Variants in KAT6A observed in about 807,000 individuals in gnomAD.
KAT6A encodes the protein lysine acetyltransferase 6A, also known as histone acetyltransferase KAT6A.
Under a neutral mutation model 198.4 loss-of-function variants are expected in KAT6A, and 9 were observed. That is an observed-to-expected ratio of 0.05 (90% CI 0.03 to 0.08). The LOEUF (loss-of-function observed/expected upper bound fraction) is 0.08. KAT6A is among the 10% of genes least tolerant of loss of function. The probability of loss-of-function intolerance (pLI) is 1.00; values close to 1 mark genes in which losing one functional copy is unlikely to be tolerated. For missense variants in KAT6A, 2,077 were observed against 2,509.9 expected, an observed-to-expected ratio of 0.83 and a Z score of 3.69; for synonymous variants, 890 against 883.0, an observed-to-expected ratio of 1.01 and a Z score of -0.14.
intron 2 of KAT6A, among the ~76,000 whole-genome samples, chr8:42,028,537 T>C (rs1000765549): frequency 1.3e-5 from 2 of 152,216 alleles, no homozygotes; most frequent in African/African-American, 4.8e-5. Context: ...CTTTATCTAA[T>C]AGAAGTATAG....
intron 2 of KAT6A, among the ~76,000 whole-genome samples, chr8:42,041,332 T>G (rs1471350599): frequency 2.0e-5 from 3 of 152,230 alleles, no homozygotes; most frequent in African/African-American, 7.2e-5. Flanking sequence ...CCTAACCAGA[T>G]TTACAATTAA....
At position 41,931,750 on chromosome 8, in the gene KAT6A, T is replaced by C. The variant is rs959111896; in HGVS notation, c.*455A>G. On this transcript the variant is annotated 3_prime_UTR_variant, in exon 17 of 17. Coordinates refer to ENST00000265713, the MANE Select transcript of KAT6A (RefSeq NM_006766.5). Reference sequence around the variant, plus strand: ...CTGGAATGAAGTAGGAAATGAAAGGTTGGGTTTGGAGGAAAGGGTCTGGTT... The same window carrying C: ...CTGGAATGAAGTAGGAAATGAAAGGCTGGGTTTGGAGGAAAGGGTCTGGTT... The C allele has an allele frequency of 1.0e-5, 2 of 200,388 alleles. No homozygotes were observed. Among genetic ancestry groups the C allele is most frequent in the Admixed American group, 6.0e-5 (1 of 16,548 alleles). 12.4% of individuals were successfully genotyped at this position (200,388 alleles called of 1,614,324 possible).
intron 1 of KAT6A, chr8:42,049,593 ATT>A (rs1802498469): frequency 6.5e-6 from 1 of 153,136 alleles, no homozygotes; most frequent in South Asian, 2.1e-4. Context: ...GGTGATGGCT[ATT>A]CTGTACTCCG....
At chr8:42,019,134 G>T (rs190375169) in intron 2 of KAT6A, among the ~76,000 whole-genome samples, 341 of 152,170 alleles carry the variant, frequency 2.2e-3, no homozygotes, top group Non-Finnish European at 3.6e-3. Flanking sequence ...AAAAATAAGG[G>T]TTTGAATTTA....
chr8:42,049,518 G>A lies in KAT6A; in HGVS notation c.-325-216C>T, dbSNP rs1345221569. 5 of 160,798 alleles carry A rather than the reference G, an allele frequency of 3.1e-5. No individual in the cohort carries two copies. In the East Asian group the frequency reaches 7.1e-4, roughly 23 times the overall value. The allele number at this position is 160,798 out of a possible 1,614,324, so 10.0% of individuals were successfully genotyped here. A position where few individuals can be genotyped will look rare whatever the true frequency, so the allele number is the denominator to read the frequency against. On this transcript the variant is annotated intron_variant, in intron 1 of 16. Transcript: ENST00000265713. ...AGAAAAAAAAAAGATGAGTAATTAG[G>A]ATACAATGAGGAAACACGATGACAT...
At chr8:42,025,208 T>G (rs559949980) in intron 2 of KAT6A, among the ~76,000 whole-genome samples, 25 of 152,076 alleles carry the variant, frequency 1.6e-4, no homozygotes, top group East Asian at 1.4e-3. Context: ...CTGAGGTTTT[T>G]TTTTGTTTTG....
At chr8:42,003,362 G>T (rs1310163392) in intron 2 of KAT6A, among the ~76,000 whole-genome samples, 1 of 152,000 alleles carries the variant, frequency 6.6e-6, no homozygotes, top group Non-Finnish European at 1.5e-5. Flanking sequence ...GTCTTTGAAA[G>T]CAATCAGGCA....
rs117665105 is a variant in KAT6A at position 41,931,283 on chromosome 8, T to C, written c.*922A>G. The C allele has an allele frequency of 0.014, 3,084 of 219,332 alleles. 39 individuals are homozygous for C. The highest frequency in any genetic ancestry group is 0.021 in the Non-Finnish European group (2,251 of 109,028). The allele number at this position is 219,332 out of a possible 1,614,324, so 13.6% of individuals were successfully genotyped here. A position where few individuals can be genotyped will look rare whatever the true frequency, so the allele number is the denominator to read the frequency against. On this transcript the variant is annotated 3_prime_UTR_variant, in exon 17 of 17. Transcript: ENST00000265713. ...GAGGCTGGGTGGCGTGTGTGTGCGTTATGGCTGATTCACCAGGTGGTAAAA... is the reference window on the plus strand; with the variant it reads ...GAGGCTGGGTGGCGTGTGTGTGCGTCATGGCTGATTCACCAGGTGGTAAAA...
chr8:42,014,200 C>A (rs1359710923), intron 2 of KAT6A, among the ~76,000 whole-genome samples: 1 of 151,918 alleles, frequency 6.6e-6, no homozygotes, highest in Non-Finnish European at 1.5e-5. Context: ...AGGGGCAGAG[C>A]CAAAAGGATT....
At chr8:42,005,798 A>T (rs991306314) in intron 2 of KAT6A, among the ~76,000 whole-genome samples, 5 of 146,430 alleles carry the variant, frequency 3.4e-5, no homozygotes, top group Non-Finnish European at 7.5e-5. Context: ...ACACACACAC[A>T]CTCACTCTCT....
intron 2 of KAT6A, among the ~76,000 whole-genome samples, chr8:42,039,009 T>C (rs184274813): frequency 6.6e-6 from 1 of 152,316 alleles, no homozygotes; most frequent in East Asian, 1.9e-4. Context: ...AATTTACAGA[T>C]ACATGTACAG....
intron 14 of KAT6A, chr8:41,941,927 G>A (rs1278644717): frequency 5.8e-6 from 1 of 172,736 alleles, no homozygotes; most frequent in East Asian, 1.1e-4. Flanking sequence ...ACAGGATCTT[G>A]AGACATGGGC....
At chr8:41,957,110 C>A (rs757036693) in intron 8 of KAT6A, 15 of 604,628 alleles carry the variant, frequency 2.5e-5, no homozygotes, top group Non-Finnish European at 4.9e-5. Flanking sequence ...CTCTTCTAGG[C>A]GGATGCCCGA....
intron 2 of KAT6A, among the ~76,000 whole-genome samples, chr8:42,009,915 C>CAAAAAA (rs1216387598): frequency 2.7e-5 from 3 of 110,288 alleles, no homozygotes; most frequent in African/African-American, 3.7e-5. Flanking sequence ...AAAAAAAAAA[C>CAAAAAA]AAAAAAAAAC....
chr8:42,034,240 C>G (rs1356893362), intron 2 of KAT6A, among the ~76,000 whole-genome samples: 2 of 152,194 alleles, frequency 1.3e-5, no homozygotes, highest in African/African-American at 4.8e-5. Context: ...TCAGAATCGC[C>G]TGGAGGACTT....
At chr8:41,997,682 C>T (rs1451275511) in intron 2 of KAT6A, among the ~76,000 whole-genome samples, 2 of 152,158 alleles carry the variant, frequency 1.3e-5, no homozygotes, top group African/African-American at 2.4e-5. Context: ...TCTCTCAAAT[C>T]TATCCCTCTA....
intron 9 of KAT6A, among the ~76,000 whole-genome samples, chr8:41,950,930 A>G (rs1822638850): frequency 6.6e-6 from 1 of 152,100 alleles, no homozygotes. Context: ...TTCTGGAAAC[A>G]GAAGGGAGAG....
In KAT6A at chr8:41,998,289, G is replaced by A. The variant is rs187250696; in HGVS notation, c.601-10726C>T. On this transcript the variant is annotated intron_variant, in intron 2 of 16. Transcript: ENST00000265713. ...TTCTGGAAGAATCTCTGCAAAATTCGTTATTTCCAATATCATAAGAGTAAC... is the reference window on the plus strand; with the variant it reads ...TTCTGGAAGAATCTCTGCAAAATTCATTATTTCCAATATCATAAGAGTAAC... Among the ~76,000 whole-genome samples the A allele has an allele frequency of 2.1e-3, 316 of 152,192 alleles. 1 individual carries two copies. The highest frequency in any genetic ancestry group is 1.9e-3 in the Non-Finnish European group (126 of 67,984).
chr8:42,014,628 G>A (rs548080056), intron 2 of KAT6A, among the ~76,000 whole-genome samples: 115 of 152,236 alleles, frequency 7.6e-4, no homozygotes, highest in African/African-American at 2.6e-3. Context: ...ATAAGACAAG[G>A]ACAGATCGGG....
Sources: allele counts gnomAD v4.1 joint callset (sites outside exome capture counted in the v4.1 genomes callset), GRCh38; gene constraint gnomAD v4.1.1; transcripts MANE v1.5; gene names NCBI Gene and HGNC (gene_info 2026-07-23, HGNC 2026-07-21).